The following HRH1 variants were observed in gnomAD, a reference collection of about 807,000 sequenced individuals.
The protein encoded by HRH1 is histamine receptor H1, also known as histamine H1 receptor.
HRH1 carries 6 observed loss-of-function variants against 10.3 expected under a neutral mutation model. The observed-to-expected ratio is 0.58, with a 90% CI of 0.32 to 1.15. The LOEUF (loss-of-function observed/expected upper bound fraction) is 1.15. HRH1 is among the 50% of genes most tolerant of loss of function. HRH1 has a pLI of 0.05. For missense variants in HRH1, 514 were observed against 615.3 expected (o/e 0.84, Z 1.74); for synonymous variants, 242 against 236.7 (o/e 1.02, Z -0.21).
chr3:11,177,467 A>C (rs1262289982), intron 1 of HRH1, among the ~76,000 whole-genome samples: 1 of 151,962 alleles, frequency 6.6e-6, no homozygotes, highest in African/African-American at 2.4e-5. Flanking sequence ...TTAAGACCCA[A>C]CTCAAACATC....
At chr3:11,243,647 C>G (rs929645952) in intron 1 of HRH1, among the ~76,000 whole-genome samples, 1 of 152,234 alleles carries the variant, frequency 6.6e-6, no homozygotes, top group Non-Finnish European at 1.5e-5. Context: ...AATGACTCCT[C>G]CCAATTCCTC....
intron 1 of HRH1, among the ~76,000 whole-genome samples, chr3:11,255,347 C>T (rs1939757215): frequency 6.6e-6 from 1 of 152,180 alleles, no homozygotes; most frequent in African/African-American, 2.4e-5. Flanking sequence ...AAAGGAGACA[C>T]CTCTGGAGGC....
intron 1 of HRH1, among the ~76,000 whole-genome samples, chr3:11,203,131 C>T (rs975167311): frequency 6.6e-6 from 1 of 152,142 alleles, no homozygotes; most frequent in African/African-American, 2.4e-5. Flanking sequence ...CTGGATGAAC[C>T]ATAGTTTACC....
At chr3:11,145,859 T>C (rs1460846559) in intron 1 of HRH1, among the ~76,000 whole-genome samples, 1 of 152,220 alleles carries the variant, frequency 6.6e-6, no homozygotes, top group Non-Finnish European at 1.5e-5. Flanking sequence ...TTTATAATTA[T>C]CAAAGTAGTG....
intron 1 of HRH1, among the ~76,000 whole-genome samples, chr3:11,173,561 C>T (rs1302820744): frequency 1.3e-5 from 2 of 151,602 alleles, no homozygotes; most frequent in Non-Finnish European, 2.9e-5. Flanking sequence ...GCCACCACAC[C>T]CAGCTAATAA....
At position 11,154,802 on chromosome 3, in the gene HRH1, C is replaced by G. The variant is rs1195443103; in HGVS notation, c.-36+248C>G. ...GTGGCCTCAGCACTCGACGCGCAGA[C>G]ACCTTTAGCTTCCCCGGGCTTGGGC... On this transcript the variant is annotated intron_variant, in intron 1 of 1. Coordinates refer to ENST00000431010, the MANE Select transcript of HRH1 (RefSeq NM_001098212.2). This position sits in a 1 kb window ranked among gnomAD's most constrained non-coding sequence, Gnocchi z 4.4. Among the ~76,000 whole-genome samples, 1 of 152,072 alleles carries G rather than the reference C, an allele frequency of 6.6e-6. No homozygotes were observed. The highest frequency in any genetic ancestry group is 1.5e-5 in the Non-Finnish European group (1 of 68,010).
At chr3:11,227,471 G>T (rs1291854938) in intron 1 of HRH1, among the ~76,000 whole-genome samples, 1 of 151,802 alleles carries the variant, frequency 6.6e-6, no homozygotes, top group Admixed American at 6.6e-5. Flanking sequence ...ATTTTTAGTG[G>T]AGACGAGGTT....
chr3:11,179,684 G>C (rs544649877), intron 1 of HRH1, among the ~76,000 whole-genome samples: 15 of 151,290 alleles, frequency 9.9e-5, no homozygotes, highest in African/African-American at 3.6e-4. Flanking sequence ...TAGGGGGCCT[G>C]ACTTCAGTTC....
intron 1 of HRH1, among the ~76,000 whole-genome samples, chr3:11,171,497 CAGG>C (rs1937150957): frequency 1.3e-5 from 2 of 152,172 alleles, no homozygotes; most frequent in Non-Finnish European, 2.9e-5. Context: ...CAATGTGACT[CAGG>C]AGCTTTTTTT....
At chr3:11,210,319 G>A (rs753459087) in intron 1 of HRH1, among the ~76,000 whole-genome samples, 3 of 152,152 alleles carry the variant, frequency 2.0e-5, no homozygotes, top group Admixed American at 6.5e-5. Context: ...GCTTGAGCCC[G>A]GGAGGTCGAG....
chr3:11,181,958 C>T (rs116522474), intron 1 of HRH1, among the ~76,000 whole-genome samples: 1 of 150,590 alleles, frequency 6.6e-6, no homozygotes, highest in Admixed American at 6.6e-5. Context: ...ATTAATTTGT[C>T]TTTCCATTGT....
At chr3:11,222,143 C>T (rs1292865064) in intron 1 of HRH1, among the ~76,000 whole-genome samples, 1 of 152,062 alleles carries the variant, frequency 6.6e-6, no homozygotes, top group Non-Finnish European at 1.5e-5. Flanking sequence ...GGGAGCATCT[C>T]GGCTAGATAC....
chr3:11,163,564 A>T (rs970776812), intron 1 of HRH1, among the ~76,000 whole-genome samples: 14 of 152,058 alleles, frequency 9.2e-5, no homozygotes, highest in Non-Finnish European at 4.4e-5. Flanking sequence ...CAGCTTCCTC[A>T]TCTGTGAAAT....
In HRH1 at chr3:11,209,397, G is replaced by A. The variant is rs564110247; in HGVS notation, c.-35-49606G>A. Among the ~76,000 whole-genome samples the A allele has an allele frequency of 1.1e-4, 16 of 152,236 alleles. 1 individual carries two copies. Among genetic ancestry groups the A allele is most frequent in the African/African-American group, 3.6e-4 (15 of 41,526 alleles). On this transcript the variant is annotated intron_variant, in intron 1 of 1. Coordinates refer to ENST00000431010, the MANE Select transcript of HRH1 (RefSeq NM_001098212.2). ...ACTGGGATTATGGGCATGAGCCACC[G>A]CACCTAGATTGTGATGCTAATTTTT...
chr3:11,170,399 G>A (rs945059289), intron 1 of HRH1, among the ~76,000 whole-genome samples: 14 of 152,224 alleles, frequency 9.2e-5, no homozygotes, highest in Admixed American at 2.6e-4. Flanking sequence ...GGATAAGCTC[G>A]CCACATGTTT....
At chr3:11,161,968 G>C (rs932416688) in intron 1 of HRH1, among the ~76,000 whole-genome samples, 2 of 152,180 alleles carry the variant, frequency 1.3e-5, no homozygotes, top group Non-Finnish European at 2.9e-5. Context: ...GGCAGCTGGA[G>C]AACAAAATGT....
At chr3:11,207,973 T>G (rs1264812797) in intron 1 of HRH1, among the ~76,000 whole-genome samples, 1 of 151,936 alleles carries the variant, frequency 6.6e-6, no homozygotes, top group Non-Finnish European at 1.5e-5. Context: ...ACTAAGATGT[T>G]TATCACTTAG....
chr3:11,199,770 C>T (rs1432212128), intron 1 of HRH1, among the ~76,000 whole-genome samples: 3 of 152,170 alleles, frequency 2.0e-5, no homozygotes, highest in Admixed American at 6.5e-5. Flanking sequence ...CAGTTGACCA[C>T]GTTGCTGGCT....
intron 1 of HRH1, among the ~76,000 whole-genome samples, chr3:11,249,634 C>T (rs1323059331): frequency 1.3e-5 from 2 of 152,106 alleles, no homozygotes; most frequent in Non-Finnish European, 2.9e-5. Flanking sequence ...GGAGTACTCC[C>T]TTTAGTGAAA....
Sources: allele counts gnomAD v4.1 joint callset (sites outside exome capture counted in the v4.1 genomes callset), GRCh38; gene constraint gnomAD v4.1.1; non-coding constraint Gnocchi (gnomAD v3.1); transcripts MANE v1.5; gene names NCBI Gene and HGNC (gene_info 2026-07-23, HGNC 2026-07-21).